Variants in NUP210L observed in about 807,000 individuals in gnomAD.
NUP210L encodes the protein nuclear pore membrane glycoprotein 210-like.
NUP210L carries 74 observed loss-of-function variants against 208.5 expected under a neutral mutation model. The observed-to-expected ratio is 0.35, with a 90% CI of 0.29 to 0.43. NUP210L has a LOEUF of 0.43. NUP210L is among the 20% of genes least tolerant of loss of function. The pLI is 1.00. For missense variants in NUP210L, 1,843 were observed against 2,289.4 expected (o/e 0.81, Z 3.98); for synonymous variants, 780 against 816.9 (o/e 0.95, Z 0.77).
At chr1:154,105,342 T>C (rs1312738704) in intron 12 of NUP210L, among the ~76,000 whole-genome samples, 1 of 152,000 alleles carries the variant, frequency 6.6e-6, no homozygotes, top group Non-Finnish European at 1.5e-5. Flanking sequence ...ATACAAAAAT[T>C]AGCTGGGCGT....
At chr1:154,052,117 C>T (rs1185725050) in intron 25 of NUP210L, among the ~76,000 whole-genome samples, 1 of 152,210 alleles carries the variant, frequency 6.6e-6, no homozygotes, top group Non-Finnish European at 1.5e-5. Flanking sequence ...CTATCAGCAG[C>T]TGAACAGCAT....
intron 24 of NUP210L, 105 bp downstream of exon 24, chr1:154,054,665 G>T: frequency 1.1e-6 from 1 of 893,444 alleles, no homozygotes; most frequent in Non-Finnish European, 1.8e-6. Context: ...TAGTACTTGG[G>T]TGAGAGTAAA....
chr1:154,113,585 C>T (rs879895212), intron 12 of NUP210L, among the ~76,000 whole-genome samples: 8 of 152,182 alleles, frequency 5.3e-5, no homozygotes, highest in African/African-American at 9.6e-5. Flanking sequence ...TTAGGCCAGG[C>T]GTGGTGGCTC....
chr1:154,054,518 A>G, intron 24 of NUP210L, 111 bp from the exon 25 acceptor site: 1 of 1,006,296 alleles, frequency 9.9e-7, no homozygotes, highest in Non-Finnish European at 1.5e-6. Context: ...CCATTTCTTG[A>G]ACAACATATC....
At chr1:154,051,936 T>G (rs1419820058) in intron 25 of NUP210L, among the ~76,000 whole-genome samples, 2 of 152,236 alleles carry the variant, frequency 1.3e-5, no homozygotes, top group Non-Finnish European at 2.9e-5. Flanking sequence ...AACACATTAC[T>G]GGTATCCCAT....
chr1:154,096,061 C>T (rs1299021271), intron 14 of NUP210L, among the ~76,000 whole-genome samples: 1 of 152,056 alleles, frequency 6.6e-6, no homozygotes, highest in Non-Finnish European at 1.5e-5. Context: ...CCATCATGTA[C>T]GTTAGGTATT....
At chr1:154,101,843 T>C (rs1656484336) in intron 13 of NUP210L, among the ~76,000 whole-genome samples, 1 of 152,008 alleles carries the variant, frequency 6.6e-6, no homozygotes, top group Admixed American at 6.6e-5. Flanking sequence ...GAGATATATA[T>C]GAGAGAATTT....
chr1:154,115,098 T>C (rs1483037054), intron 12 of NUP210L, among the ~76,000 whole-genome samples: 1 of 152,210 alleles, frequency 6.6e-6, no homozygotes, highest in Non-Finnish European at 1.5e-5. Context: ...CTTCACTTTC[T>C]CCCTTCAATC....
At chr1:154,068,083 T>G (rs909853646) in intron 17 of NUP210L, among the ~76,000 whole-genome samples, 8 of 151,634 alleles carry the variant, frequency 5.3e-5, no homozygotes, top group Non-Finnish European at 1.0e-4. Context: ...TTCACAGAAT[T>G]GGAAAAGTTC....
chr1:154,141,522 T>A, exon 4 of NUP210L: 1 of 1,597,846 alleles, frequency 6.3e-7, no homozygotes, highest in Non-Finnish European at 8.6e-7. Flanking sequence ...CTAAAAGTAT[T>A]TCCTGTAGAG....
chr1:154,128,762 G>A (rs1334961949), intron 8 of NUP210L, among the ~76,000 whole-genome samples: 1 of 152,082 alleles, frequency 6.6e-6, no homozygotes, highest in Non-Finnish European at 1.5e-5. Flanking sequence ...TGTGAAGATT[G>A]CTTGAGCCTG....
At chr1:154,025,705 G>C in exon 30 of NUP210L, 1 of 1,612,428 alleles carries the variant, frequency 6.2e-7, no homozygotes, top group Non-Finnish European at 8.5e-7. Flanking sequence ...ACTCACGAAG[G>C]CAGCTCCTTC....
chr1:154,070,848 T>A (rs2148012593), intron 16 of NUP210L, among the ~76,000 whole-genome samples: 1 of 152,304 alleles, frequency 6.6e-6, no homozygotes, highest in Non-Finnish European at 1.5e-5. Context: ...ATATTAACAC[T>A]AATTCAATGT....
chr1:154,060,757 A>AC lies in NUP210L; in HGVS notation c.2749-117dup, dbSNP rs1410045974. The AC allele has an allele frequency of 1.3e-4, 99 of 787,448 alleles. 2 individuals are homozygous for AC. In the South Asian group the frequency reaches 1.7e-3, roughly 14 times the overall value. 48.8% of individuals were successfully genotyped at this position (787,448 alleles called of 1,614,324 possible). The stretch of plus-strand genomic sequence containing the variant: ...GGGATAAAAAGATTAAAGTGAATAG[A>AC]CAAAAGACAAAATACAATTATTAAA... On this transcript the variant is annotated intron_variant, in intron 19 of 39. Coordinates refer to ENST00000368559, the Ensembl canonical transcript of NUP210L.
intron 16 of NUP210L, among the ~76,000 whole-genome samples, chr1:154,074,967 G>A (rs925884291): frequency 6.6e-6 from 1 of 152,152 alleles, no homozygotes; most frequent in African/African-American, 2.4e-5. Flanking sequence ...TTTTTTGGAT[G>A]CTCAGATTAT....
chr1:154,115,756 C>T (rs533235450), intron 12 of NUP210L, among the ~76,000 whole-genome samples: 3 of 151,942 alleles, frequency 2.0e-5, no homozygotes, highest in African/African-American at 4.8e-5. Context: ...ATAATACCTA[C>T]GAGATAATAA....
At chr1:154,006,915 TACAC>T (rs1171572680) in intron 35 of NUP210L, among the ~76,000 whole-genome samples, 7 of 135,368 alleles carry the variant, frequency 5.2e-5, no homozygotes, top group African/African-American at 1.8e-4. Context: ...TATACACATA[TACAC>T]ATATGTCTGT....
intron 10 of NUP210L, 152 bp downstream of exon 10, chr1:154,126,171 T>A (rs1419815852): frequency 1.7e-6 from 1 of 573,480 alleles, no homozygotes; most frequent in African/African-American, 1.9e-5. Context: ...ACAGAAAATT[T>A]GTAGAGGTAT....
At chr1:154,081,742 G>T (rs745943110) in intron 16 of NUP210L, among the ~76,000 whole-genome samples, 3 of 152,190 alleles carry the variant, frequency 2.0e-5, no homozygotes, top group Non-Finnish European at 4.4e-5. Flanking sequence ...AGCACATTGG[G>T]AGGCCGAGAC....
Sources: allele counts gnomAD v4.1 joint callset (sites outside exome capture counted in the v4.1 genomes callset), GRCh38; gene constraint gnomAD v4.1.1; transcripts MANE v1.5; gene names NCBI Gene and HGNC (gene_info 2026-07-23, HGNC 2026-07-21).